Variants in USP38 observed in about 807,000 individuals in gnomAD.
USP38 encodes ubiquitin specific peptidase 38.
In USP38, 49 loss-of-function variants were observed where a neutral mutation model predicts 94.3. The observed-to-expected ratio is 0.52, with a 90% CI of 0.41 to 0.66. The LOEUF is 0.66. Among genes scored for constraint, USP38 ranks in the 30% least tolerant of loss-of-function variants. The probability of loss-of-function intolerance (pLI) is 0.00; values close to 1 mark genes in which losing one functional copy is unlikely to be tolerated. For synonymous variants in USP38, 468 were observed against 463.6 expected (o/e 1.01, Z -0.12); for missense variants, 1,128 against 1,229.4 (o/e 0.92, Z 1.23).
At chr4:143,203,843 T>C (rs1731785973) in intron 5 of USP38, among the ~76,000 whole-genome samples, 1 of 152,160 alleles carries the variant, frequency 6.6e-6, no homozygotes, top group African/African-American at 2.4e-5. Context: ...TAAAAAGAAA[T>C]GCTACGTTAA....
At chr4:143,213,334 A>G (rs751395085) in intron 8 of USP38, among the ~76,000 whole-genome samples, 1 of 152,180 alleles carries the variant, frequency 6.6e-6, no homozygotes, top group Non-Finnish European at 1.5e-5. Context: ...AATTAACTGC[A>G]ATGTAATACA....
At chr4:143,204,406 T>A (rs1462063209) in intron 5 of USP38, 1 of 454,942 alleles carries the variant, frequency 2.2e-6, no homozygotes, top group Admixed American at 2.4e-5. Context: ...CTTTTTTTTT[T>A]TTTTGGACAG....
chr4:143,185,645 G>A lies in USP38; in HGVS notation c.195G>A (p.Leu65=). ...PFQRQVGHQV[L]EAYARYHRPE... ...AGCGGCAGGTGGGGCACCAGGTGCT[G>A]GAGGCCTACGCACGATACCACCGGC... The change falls in exon 1 of 10, where the codon CTG becomes CTA. Residue 65 remains leucine (L), a synonymous_variant. Coordinates refer to ENST00000307017, the MANE Select transcript of USP38 (RefSeq NM_032557.6). 1 of 1,614,124 alleles carries A rather than the reference G, an allele frequency of 6.2e-7. No homozygotes were observed.
chr4:143,187,992 T>G, intron 2 of USP38, 31 bp downstream of exon 2: 1 of 1,575,762 alleles, frequency 6.3e-7, no homozygotes, highest in Non-Finnish European at 8.6e-7. Context: ...TAATGGTAAT[T>G]GTAGATTTGG....
chr4:143,201,483 G>C (rs1731713296), intron 4 of USP38, among the ~76,000 whole-genome samples: 1 of 152,086 alleles, frequency 6.6e-6, no homozygotes, highest in Non-Finnish European at 1.5e-5. Context: ...ATCTAGTAGT[G>C]GGTAATGTGG....
chr4:143,186,395 C>T (rs1378197240), intron 1 of USP38, among the ~76,000 whole-genome samples: 1 of 152,190 alleles, frequency 6.6e-6, no homozygotes. Flanking sequence ...TGCTTAATTA[C>T]CCAGCCTCTG....
At chr4:143,196,738 C>T (rs1490759223) in intron 3 of USP38, among the ~76,000 whole-genome samples, 1 of 152,166 alleles carries the variant, frequency 6.6e-6, no homozygotes, top group Non-Finnish European at 1.5e-5. Context: ...ATTTTTCTCC[C>T]TTGAACTCCA....
intron 7 of USP38, 41 bp downstream of exon 7, chr4:143,209,698 G>T: frequency 1.6e-6 from 2 of 1,278,474 alleles, no homozygotes; most frequent in Non-Finnish European, 1.1e-6. Flanking sequence ...TGTTAACTGC[G>T]TGGTAATATT....
chr4:143,187,905 G>A lies in USP38; in HGVS notation c.762G>A (p.Arg254=). 6.2e-7 allele frequency: 1 copy of A among 1,613,782 alleles called. No individual in the cohort carries two copies. The highest frequency in any genetic ancestry group is 2.2e-5 in the East Asian group (1 of 44,854). The part of the protein sequence containing the change: ...IPLQMITVLI[R]SLTTDPNVKD... ...TTCAGATGATTACAGTTCTCATCAG[G>A]AGCCTTACTACGGATCCAAATGTAA... The change falls in exon 2 of 10, where the codon AGG becomes AGA. Residue 254 remains arginine, a synonymous_variant. Transcript: ENST00000307017.
At chr4:143,195,667 A>G in intron 2 of USP38, 49 bp from the exon 3 acceptor site, 1 of 1,541,130 alleles carries the variant, frequency 6.5e-7, no homozygotes, top group South Asian at 1.2e-5. Context: ...ATCACTAACT[A>G]AATGAAAATA....
rs1183855947 is a variant in USP38 at position 143,206,118 on chromosome 4, G to C, written c.1295G>C (p.Cys432Ser). Residue 432 changes from cysteine (C) to serine (S), a missense_variant, in exon 6 of 10, where the codon TGC becomes TCC. Physicochemically the swap from Cys to Ser is moderately radical, Grantham distance 112. Coordinates refer to ENST00000307017, the MANE Select transcript of USP38 (RefSeq NM_032557.6). ...TCTCAATCCAATTCTTTGGCGTCTTGCTTGTCTAGACTTTCTGGAAAATCT... is the reference window on the plus strand; with the variant it reads ...TCTCAATCCAATTCTTTGGCGTCTTCCTTGTCTAGACTTTCTGGAAAATCT... ...WTSQSNSLAS[C>S]LSRLSGKSET... The C allele has an allele frequency of 6.2e-7, 1 of 1,613,550 alleles. No homozygotes were observed. The highest frequency in any genetic ancestry group is 8.5e-7 in the Non-Finnish European group (1 of 1,179,838).
At position 143,213,561 on chromosome 4, in the gene USP38, A is replaced by C; in HGVS notation, c.1605-20A>C. 6.4e-7 allele frequency: 1 copy of C among 1,560,482 alleles called. No individual in the cohort carries two copies. The highest frequency in any genetic ancestry group is 1.2e-5 in the South Asian group (1 of 82,124). The stretch of plus-strand genomic sequence containing the variant: ...TTGAAGTTAATTTAAGTAGCTATAT[A>C]ATGATATCCTCTGCTGCAGGCTCCA... On this transcript the variant is annotated intron_variant, in intron 8 of 9. Transcript: ENST00000307017.
rs1407857638 is a variant in USP38 at position 143,186,102 on chromosome 4, CAAG to C, written c.656_658del (p.Glu219del). ...GCCTGCCACACTACTGCCTTCCCTG[CAAG>C]AAGTTTTTGCAAGCATCTCTTCCAC... is the stretch of plus-strand genomic sequence containing the variant. On this transcript the variant is annotated inframe_deletion, in exon 1 of 10. Transcript: ENST00000307017. The C allele has an allele frequency of 1.2e-6, 2 of 1,614,072 alleles. No homozygotes were observed. The highest frequency in any genetic ancestry group is 1.7e-5 in the Admixed American group (1 of 60,024).
At position 143,214,073 on chromosome 4, in the gene USP38, G is replaced by T. The variant is rs759605079; in HGVS notation, c.2097G>T (p.Lys699Asn). The change falls in exon 9 of 10, where the codon AAG (lysine) becomes AAT (asparagine). Residue 699 changes from lysine to asparagine, a missense_variant. Coordinates refer to ENST00000307017, the MANE Select transcript of USP38 (RefSeq NM_032557.6). ...ENTSVPNESN[K>N]ILVNKDVPQK... ...CTTCTGTCCCTAACGAATCTAACAAGATTCTTGTTAATAAAGATGTACCTC... is the reference window on the plus strand; with the variant it reads ...CTTCTGTCCCTAACGAATCTAACAATATTCTTGTTAATAAAGATGTACCTC... 1.2e-5 allele frequency: 20 copies of T among 1,613,490 alleles called. No individual in the cohort carries two copies. The highest frequency in any genetic ancestry group is 1.7e-5 in the Non-Finnish European group (20 of 1,179,798).
In USP38 at chr4:143,212,319, G is replaced by A; in HGVS notation, c.1499G>A (p.Arg500Lys). 1 of 1,605,064 alleles carries A rather than the reference G, an allele frequency of 6.2e-7. No homozygotes were observed. Among genetic ancestry groups the A allele is most frequent in the Non-Finnish European group, 8.5e-7 (1 of 1,176,202 alleles). ...HLFAFLAHTQ[R>K]EAYAPRIFFE... ...TATTTTCTCAATTGCTCTCAAAAGA[G>A]GGAAGCATACGCACCTCGGATATTC... Residue 500 changes from arginine to lysine, a missense_variant and splice_region_variant, in exon 8 of 10, where the codon AGG becomes AAG. Arg to Lys is a conservative substitution (Grantham distance 26). Transcript: ENST00000307017.
chr4:143,214,952 GA>G lies in USP38; in HGVS notation c.2967+12del. On this transcript the variant is annotated intron_variant, in intron 9 of 9. Transcript: ENST00000307017. ...ATAAACTATATTTACAGGTAAGTTG[GA>G]AATACAAGCTTTATTTGTTGAAAAT... 6.2e-7 allele frequency: 1 copy of G among 1,605,146 alleles called. No homozygotes were observed. Among genetic ancestry groups the G allele is most frequent in the Non-Finnish European group, 8.5e-7 (1 of 1,176,180 alleles).
intron 5 of USP38, 133 bp downstream of exon 5, chr4:143,203,699 G>A (rs149734107): frequency 1.1e-6 from 1 of 917,656 alleles, no homozygotes; most frequent in African/African-American, 1.8e-5. Flanking sequence ...TTAGAATCAG[G>A]TTTCATTTAG....
chr4:143,194,831 G>C (rs1731499798), intron 2 of USP38, among the ~76,000 whole-genome samples: 1 of 151,534 alleles, frequency 6.6e-6, no homozygotes, highest in Non-Finnish European at 1.5e-5. Flanking sequence ...TGAAAGAGTT[G>C]TATCAATCTT....
intron 4 of USP38, among the ~76,000 whole-genome samples, chr4:143,198,917 A>G (rs1215316183): frequency 2.6e-5 from 4 of 152,106 alleles, no homozygotes; most frequent in Non-Finnish European, 5.9e-5. Flanking sequence ...AAAAAACATC[A>G]ATTACTTGTC....
Sources: gnomAD v4.1 joint callset for allele counts (sites outside exome capture counted in the v4.1 genomes callset) on GRCh38, gnomAD v4.1.1 for gene constraint, MANE v1.5 for transcripts, NCBI Gene and HGNC (gene_info 2026-07-23, HGNC 2026-07-21) for gene names.